The following RAB28 variants were observed in gnomAD, a reference collection of about 807,000 sequenced individuals.
RAB28 encodes RAB28, member RAS oncogene family, also known as ras-related protein Rab-28.
RAB28 carries 24 observed loss-of-function variants against 31.7 expected under a neutral mutation model. The observed-to-expected ratio is 0.76, with a 90% CI of 0.55 to 1.06. The LOEUF (loss-of-function observed/expected upper bound fraction) is 1.06, where lower values mean the gene tolerates loss of function less well. Among genes scored for constraint, RAB28 ranks in the 50% least tolerant of loss-of-function variants. The pLI is 0.00. For synonymous variants in RAB28, 100 were observed against 90.4 expected, an observed-to-expected ratio of 1.11 and a Z score of -0.60; for missense variants, 254 against 258.5, an observed-to-expected ratio of 0.98 and a Z score of 0.12.
chr4:13,421,566 T>G (rs1276391379), intron 4 of RAB28, among the ~76,000 whole-genome samples: 1 of 151,926 alleles, frequency 6.6e-6, no homozygotes, highest in Non-Finnish European at 1.5e-5. Flanking sequence ...GATAGAACAA[T>G]CTAACAGAAC....
chr4:13,437,173 C>G (rs1321323414), intron 4 of RAB28, among the ~76,000 whole-genome samples: 1 of 152,030 alleles, frequency 6.6e-6, no homozygotes, highest in African/African-American at 2.4e-5. Context: ...AAGAATGAAA[C>G]TGAAACCTTC....
intron 4 of RAB28, among the ~76,000 whole-genome samples, chr4:13,451,128 T>C (rs1297316221): frequency 6.6e-6 from 1 of 151,820 alleles, no homozygotes. Flanking sequence ...GTAGTTTATA[T>C]GAGATGAGAT....
chr4:13,369,922 T>C (rs754726483), intron 6 of RAB28: 2 of 1,612,678 alleles, frequency 1.2e-6, no homozygotes, highest in South Asian at 2.2e-5. Context: ...GGTATGTTGA[T>C]TTTCTTCTTC....
chr4:13,474,510 T>G, intron 2 of RAB28, 104 bp from the exon 3 acceptor site: 2 of 640,670 alleles, frequency 3.1e-6, no homozygotes, highest in Non-Finnish European at 5.0e-6. Context: ...AATAAGAAAC[T>G]CTGAGCCCAA....
At position 13,460,729 on chromosome 4, in the gene RAB28, G is replaced by A. The variant is rs752667076; in HGVS notation, c.361C>T (p.Gln121Ter). Residue 121 changes from glutamine (Q) to a stop codon, truncating the protein, a stop_gained, in exon 4 of 7, where the codon CAG becomes TAG. Coordinates refer to ENST00000330852, the MANE Select transcript of RAB28 (RefSeq NM_001017979.3). LOFTEE classifies it high-confidence loss of function. ...VKKVSEESET[Q>*]PLVALVGNKI... Reference sequence around the variant, plus strand: ...TTGCCTACCAAGGCAACCAGTGGCTGAGTTTCTGACTCCTCGCTCACTTTC... The same window carrying A: ...TTGCCTACCAAGGCAACCAGTGGCTAAGTTTCTGACTCCTCGCTCACTTTC... The A allele has an allele frequency of 6.2e-7, 1 of 1,613,976 alleles. No individual in the cohort carries two copies. The highest frequency in any genetic ancestry group is 8.5e-7 in the Non-Finnish European group (1 of 1,179,924).
intron 3 of RAB28, chr4:13,474,034 A>T: frequency 2.0e-6 from 1 of 501,462 alleles, no homozygotes; most frequent in Non-Finnish European, 3.8e-6. Context: ...ATATCAAAAT[A>T]TCATTTATCA....
intron 4 of RAB28, among the ~76,000 whole-genome samples, chr4:13,383,012 T>A (rs1433710136): frequency 6.6e-6 from 1 of 150,770 alleles, no homozygotes; most frequent in African/African-American, 2.5e-5. Context: ...TTTGTTTTGC[T>A]TTGTTTTGTT....
intron 4 of RAB28, among the ~76,000 whole-genome samples, chr4:13,396,722 T>C (rs554415778): frequency 8.0e-4 from 122 of 152,196 alleles, no homozygotes; most frequent in African/African-American, 2.8e-3. Flanking sequence ...TACATTTCTT[T>C]ATAAGATGCC....
chr4:13,392,090 T>C (rs1299145404), intron 4 of RAB28, among the ~76,000 whole-genome samples: 1 of 152,122 alleles, frequency 6.6e-6, no homozygotes, highest in Admixed American at 6.5e-5. Context: ...AAAGTATAAT[T>C]TTTTAAAAAA....
intron 4 of RAB28, among the ~76,000 whole-genome samples, chr4:13,439,280 T>C (rs1035328302): frequency 1.3e-5 from 2 of 152,232 alleles, no homozygotes; most frequent in African/African-American, 4.8e-5. Flanking sequence ...TAATATTTTT[T>C]TCTTTGGTTG....
At chr4:13,402,402 C>T (rs898690405) in intron 4 of RAB28, among the ~76,000 whole-genome samples, 2 of 152,178 alleles carry the variant, frequency 1.3e-5, no homozygotes, top group Non-Finnish European at 2.9e-5. Context: ...TCTGTTCTAT[C>T]AGTTTTTGCT....
chr4:13,447,549 C>G (rs558733357), intron 4 of RAB28, among the ~76,000 whole-genome samples: 5 of 152,222 alleles, frequency 3.3e-5, no homozygotes, highest in African/African-American at 9.6e-5. Flanking sequence ...TGTGAAATTT[C>G]AGAAAACAAT....
chr4:13,370,580 T>A (rs915897208), intron 6 of RAB28: 2 of 965,858 alleles, frequency 2.1e-6, no homozygotes, highest in African/African-American at 3.5e-5. Context: ...TAATTAATTA[T>A]CTTTGAAGGT....
At chr4:13,473,025 A>G (rs146459244) in intron 3 of RAB28, among the ~76,000 whole-genome samples, 1,538 of 152,104 alleles carry the variant, frequency 0.01, 15 homozygotes, top group Non-Finnish European at 0.015. Context: ...AAATCTCTGC[A>G]TCAGCAATGC....
intron 3 of RAB28, among the ~76,000 whole-genome samples, chr4:13,470,108 A>C (rs1468133053): frequency 6.6e-6 from 1 of 152,116 alleles, no homozygotes; most frequent in Non-Finnish European, 1.5e-5. Context: ...TACACACACT[A>C]TTTAACCTTC....
intron 1 of RAB28, among the ~76,000 whole-genome samples, chr4:13,481,678 T>A (rs978235237): frequency 1.3e-5 from 2 of 151,688 alleles, no homozygotes; most frequent in Admixed American, 1.3e-4. Flanking sequence ...AAAGAAAAAA[T>A]ATGAATCAGA....
At chr4:13,470,141 A>G (rs1305646749) in intron 3 of RAB28, among the ~76,000 whole-genome samples, 2 of 152,122 alleles carry the variant, frequency 1.3e-5, no homozygotes, top group Non-Finnish European at 2.9e-5. Context: ...AGGTTCTCCC[A>G]TTCCCAAAAT....
rs73819821 is a variant in RAB28 at position 13,398,257 on chromosome 4, T to C, written c.392-16663A>G. On this transcript the variant is annotated intron_variant, in intron 4 of 6. Coordinates refer to ENST00000330852, the MANE Select transcript of RAB28 (RefSeq NM_001017979.3). Reference sequence around the variant, plus strand: ...GAACTGGAAAATTAATAAACTGTCTTTTTATTTTATTCATGTTTTGGGCAT... The same window carrying C: ...GAACTGGAAAATTAATAAACTGTCTCTTTATTTTATTCATGTTTTGGGCAT... Among the ~76,000 whole-genome samples, 266 of 152,298 alleles carry C rather than the reference T, an allele frequency of 1.7e-3. 3 individuals are homozygous for C. The highest frequency in any genetic ancestry group is 6.0e-3 in the African/African-American group (249 of 41,558).
chr4:13,471,582 GC>G (rs1322673725), intron 3 of RAB28, among the ~76,000 whole-genome samples: 1 of 151,640 alleles, frequency 6.6e-6, no homozygotes, highest in Non-Finnish European at 1.5e-5. Context: ...GCTCACTCCA[GC>G]CCCAAACTCC....
Sources: allele counts gnomAD v4.1 joint callset (sites outside exome capture counted in the v4.1 genomes callset), GRCh38; gene constraint gnomAD v4.1.1; transcripts MANE v1.5; gene names NCBI Gene and HGNC (gene_info 2026-07-23, HGNC 2026-07-21).